The following PTPRQ variants were observed in gnomAD, a reference collection of about 807,000 sequenced individuals.
PTPRQ encodes the protein phosphatidylinositol phosphatase PTPRQ.
PTPRQ carries 199 observed loss-of-function variants against 246.0 expected under a neutral mutation model. That is an observed-to-expected ratio of 0.81 (90% CI 0.72 to 0.91). PTPRQ has a LOEUF of 0.91. PTPRQ is among the 40% of genes least tolerant of loss of function. PTPRQ has a pLI of 0.00. For synonymous variants in PTPRQ, 869 were observed against 853.2 expected (o/e 1.02, Z -0.32); for missense variants, 2,624 against 2,528.4 (o/e 1.04, Z -0.81).
At chr12:80,664,899 T>C (rs1900738211) in intron 39 of PTPRQ, among the ~76,000 whole-genome samples, 1 of 152,010 alleles carries the variant, frequency 6.6e-6, no homozygotes, top group Admixed American at 6.6e-5. Context: ...AGTACTTGAA[T>C]TTACTATCTC....
intron 43 of PTPRQ, among the ~76,000 whole-genome samples, chr12:80,676,309 C>T (rs999819524): frequency 6.6e-6 from 1 of 152,142 alleles, no homozygotes; most frequent in Non-Finnish European, 1.5e-5. Flanking sequence ...GTGTATAGCC[C>T]TTACCCAGGA....
chr12:80,573,428 G>A (rs1268130732), intron 25 of PTPRQ, among the ~76,000 whole-genome samples: 1 of 152,030 alleles, frequency 6.6e-6, no homozygotes, highest in African/African-American at 2.4e-5. Flanking sequence ...GGTGGAGCTT[G>A]CAGTGAGCCG....
chr12:80,570,354 A>AT (rs1897109232), intron 25 of PTPRQ, among the ~76,000 whole-genome samples: 1 of 151,964 alleles, frequency 6.6e-6, no homozygotes, highest in Non-Finnish European at 1.5e-5. Context: ...TTTCTTTCAT[A>AT]TTTTTGTTGG....
At chr12:80,634,433 C>T (rs906055260) in intron 34 of PTPRQ, among the ~76,000 whole-genome samples, 1 of 152,104 alleles carries the variant, frequency 6.6e-6, no homozygotes, top group African/African-American at 2.4e-5. Flanking sequence ...ATAATATCTA[C>T]TCACAATATT....
chr12:80,619,248 C>A (rs1898882920), intron 30 of PTPRQ, 136 bp from the exon 31 acceptor site: 2 of 1,047,814 alleles, frequency 1.9e-6, no homozygotes, highest in African/African-American at 1.6e-5. Context: ...TGTCTCCAAG[C>A]ACAATTCTCT....
chr12:80,466,801 CA>C (rs1354481212), intron 6 of PTPRQ, among the ~76,000 whole-genome samples: 1 of 152,046 alleles, frequency 6.6e-6, no homozygotes, highest in Non-Finnish European at 1.5e-5. Flanking sequence ...ACTGGCTAGC[CA>C]TATGTAGAAA....
At chr12:80,661,269 G>T (rs1900621424) in intron 39 of PTPRQ, among the ~76,000 whole-genome samples, 1 of 148,316 alleles carries the variant, frequency 6.7e-6, no homozygotes, top group African/African-American at 2.5e-5. Flanking sequence ...TTGTATATGT[G>T]TATATACAGT....
intron 7 of PTPRQ, 98 bp from the exon 8 acceptor site, chr12:80,472,007 T>C: frequency 6.9e-7 from 1 of 1,451,244 alleles, no homozygotes; most frequent in Non-Finnish European, 9.2e-7. Context: ...AGTGCATAGG[T>C]TAACACTTGA....
At chr12:80,579,008 C>A (rs1897355241) in intron 25 of PTPRQ, among the ~76,000 whole-genome samples, 1 of 151,998 alleles carries the variant, frequency 6.6e-6, no homozygotes, top group Admixed American at 6.6e-5. Context: ...TTGTTTTACC[C>A]CTATTTTCTC....
intron 26 of PTPRQ, 65 bp downstream of exon 26, chr12:80,588,517 G>A (rs1441784278): frequency 7.5e-7 from 1 of 1,329,308 alleles, no homozygotes; most frequent in South Asian, 2.6e-5. Flanking sequence ...TATATATTAT[G>A]CTTTATACTT....
chr12:80,599,541 T>G (rs1364810104), intron 26 of PTPRQ, among the ~76,000 whole-genome samples: 1 of 151,904 alleles, frequency 6.6e-6, no homozygotes, highest in East Asian at 1.9e-4. Context: ...GTAGCTGACA[T>G]TCATAAATGT....
intron 44 of PTPRQ, 48 bp downstream of exon 44, chr12:80,678,773 C>A: frequency 6.7e-7 from 1 of 1,491,858 alleles, no homozygotes; most frequent in Non-Finnish European, 8.9e-7. Context: ...TTACCACCTA[C>A]GGTAAGAACA....
Position 80,542,129 on chromosome 12 carries a change from T to C in PTPRQ, c.3486T>C (p.Leu1162=), listed in dbSNP as rs1441888710. 1.3e-6 allele frequency: 2 copies of C among 1,550,074 alleles called. No individual in the cohort carries two copies. The highest frequency in any genetic ancestry group is 1.7e-6 in the Non-Finnish European group (2 of 1,146,484). The change falls in exon 22 of 45, where the codon CTT becomes CTC. Residue 1162 remains leucine, a synonymous_variant. Transcript: ENST00000644991. The part of the protein sequence containing the change: ...TSPIINTFKN[L]SSTSVLLSWD... The stretch of plus-strand genomic sequence containing the variant: ...CAATAATCAACACTTTTAAAAACCT[T>C]TCCTCTACCTCAGTTCTCTTATCAT...
At chr12:80,649,766 T>G in intron 37 of PTPRQ, 97 bp downstream of exon 37, 6 of 1,423,364 alleles carry the variant, frequency 4.2e-6, no homozygotes, top group Non-Finnish European at 5.6e-6. Context: ...CATGAAGGAC[T>G]CTGGCCTTGA....
intron 25 of PTPRQ, among the ~76,000 whole-genome samples, chr12:80,572,126 G>T (rs1444343120): frequency 6.6e-6 from 1 of 151,800 alleles, no homozygotes; most frequent in Non-Finnish European, 1.5e-5. Context: ...TCTATACATG[G>T]GGAGAATTGA....
chr12:80,676,743 T>G (rs1901157506), intron 43 of PTPRQ, among the ~76,000 whole-genome samples: 1 of 152,288 alleles, frequency 6.6e-6, no homozygotes, highest in East Asian at 1.9e-4. Context: ...TATCCTAAGA[T>G]ACTTTTAGTG....
At chr12:80,492,266 G>T (rs532113108) in intron 9 of PTPRQ, among the ~76,000 whole-genome samples, 1 of 151,828 alleles carries the variant, frequency 6.6e-6, no homozygotes, top group East Asian at 1.9e-4. Context: ...AAAAACCATG[G>T]ACATTTCCAC....
chr12:80,649,039 G>A (rs1383889006), intron 36 of PTPRQ, 116 bp downstream of exon 36: 1 of 978,076 alleles, frequency 1.0e-6, no homozygotes. Context: ...AAACCTCCAA[G>A]CTGGATATAA....
At chr12:80,525,376 T>C (rs1895650543) in intron 17 of PTPRQ, among the ~76,000 whole-genome samples, 1 of 152,174 alleles carries the variant, frequency 6.6e-6, no homozygotes, top group South Asian at 2.1e-4. Context: ...TCAGGTGTGG[T>C]TAACAGCAAG....
Sources: allele counts gnomAD v4.1 joint callset (sites outside exome capture counted in the v4.1 genomes callset), GRCh38; gene constraint gnomAD v4.1.1; transcripts MANE v1.5; gene names NCBI Gene and HGNC (gene_info 2026-07-23, HGNC 2026-07-21).